The following ILKAP variants were observed in gnomAD, a reference collection of about 807,000 sequenced individuals.
The protein encoded by ILKAP is integrin-linked kinase-associated serine/threonine phosphatase 2C.
Under a neutral mutation model 49.1 loss-of-function variants are expected in ILKAP, and 11 were observed. The ratio of observed to expected loss-of-function variants is 0.22; its 90% CI spans 0.14 to 0.37. The LOEUF (loss-of-function observed/expected upper bound fraction) is 0.37. Among genes scored for constraint, ILKAP ranks in the 10% least tolerant of loss-of-function variants. ILKAP has a pLI of 1.00. For missense variants in ILKAP, 363 were observed against 510.8 expected (o/e 0.71, Z 2.79); for synonymous variants, 186 against 192.8 (o/e 0.96, Z 0.29).
At chr2:238,188,336 G>A in intron 4 of ILKAP, 79 bp from the exon 5 acceptor site, 4 of 1,526,628 alleles carry the variant, frequency 2.6e-6, no homozygotes, top group Middle Eastern at 1.7e-4. Flanking sequence ...GCAAATGAGA[G>A]GGAACTATGA....
At chr2:238,170,796 G>T in intron 11 of ILKAP, 120 bp from the exon 12 acceptor site, 1 of 1,510,658 alleles carries the variant, frequency 6.6e-7, no homozygotes, top group South Asian at 1.1e-5. Context: ...AGGACAAACT[G>T]ACCAGTGAGT....
At chr2:238,190,877 T>TA (rs57511265) in intron 3 of ILKAP, among the ~76,000 whole-genome samples, 3,431 of 95,022 alleles carry the variant, frequency 0.036, 233 homozygotes, top group African/African-American at 0.11. Context: ...CGTTTCTCTT[T>TA]AAAAAAAAAA....
intron 1 of ILKAP, among the ~76,000 whole-genome samples, chr2:238,202,084 G>T (rs1280001002): frequency 6.6e-6 from 1 of 152,174 alleles, no homozygotes; most frequent in Non-Finnish European, 1.5e-5. Context: ...AATTAGCCGG[G>T]TGTGGTGGTC....
At position 238,170,926 on chromosome 2, in the gene ILKAP, C is replaced by T. The variant is rs373306165; in HGVS notation, c.1038+17G>A. ...ACACAATTGGGACAACCACCACCCC[C>T]GTGTGAGATTTCTCACCTCGAGACA... On this transcript the variant is annotated intron_variant, in intron 11 of 11. Coordinates refer to ENST00000254654, the MANE Select transcript of ILKAP (RefSeq NM_030768.3). 65 of 1,607,432 alleles carry T rather than the reference C, an allele frequency of 4.0e-5. No homozygotes were observed. Among genetic ancestry groups the T allele is most frequent in the Non-Finnish European group, 5.1e-5 (60 of 1,174,094 alleles).
chr2:238,183,510 T>C (rs1693780034), intron 8 of ILKAP, 143 bp downstream of exon 8: 1 of 628,562 alleles, frequency 1.6e-6, no homozygotes, highest in African/African-American at 1.9e-5. Context: ...GAAGTTAAAC[T>C]GCAGCAGAAC....
chr2:238,198,255 T>A (rs2106341655), intron 1 of ILKAP, among the ~76,000 whole-genome samples: 1 of 152,144 alleles, frequency 6.6e-6, no homozygotes, highest in African/African-American at 2.4e-5. Context: ...TTTTTTAAAT[T>A]GAGACAAGAG....
At chr2:238,192,454 C>T (rs1694171966) in intron 3 of ILKAP, among the ~76,000 whole-genome samples, 2 of 152,064 alleles carry the variant, frequency 1.3e-5, no homozygotes, top group Non-Finnish European at 2.9e-5. Flanking sequence ...CATCCCAGCA[C>T]TTTGGGAGGC....
intron 9 of ILKAP, among the ~76,000 whole-genome samples, chr2:238,179,405 C>T (rs1033723275): frequency 1.7e-4 from 26 of 152,312 alleles, no homozygotes; most frequent in African/African-American, 6.3e-4. Flanking sequence ...CTATGATGTT[C>T]TCTTATTGAT....
rs118170862 is a variant in ILKAP, at chr2:238,200,796, C to T, written c.55+2703G>A. 1.7e-4 allele frequency among the ~76,000 whole-genome samples: 26 copies of T among 152,344 alleles called. 1 individual carries two copies. In the East Asian group the frequency reaches 4.8e-3, roughly 28 times the overall value. On this transcript the variant is annotated intron_variant, in intron 1 of 11. Coordinates refer to ENST00000254654, the MANE Select transcript of ILKAP (RefSeq NM_030768.3). ...TGTGTTTATGTCACTGCACTCCAGC[C>T]TGGGCGACACAATGAGGCTGTCTCA...
At chr2:238,189,537 TC>T (rs1559296864) in intron 4 of ILKAP, among the ~76,000 whole-genome samples, 1 of 152,124 alleles carries the variant, frequency 6.6e-6, no homozygotes, top group Non-Finnish European at 1.5e-5. Flanking sequence ...AGATTGGAAG[TC>T]AGAGAGAGAC....
intron 8 of ILKAP, among the ~76,000 whole-genome samples, chr2:238,182,688 G>A (rs966137167): frequency 1.3e-5 from 2 of 152,196 alleles, no homozygotes; most frequent in Non-Finnish European, 2.9e-5. Flanking sequence ...ACTGAGGCAC[G>A]AAGAATAAGT....
intron 3 of ILKAP, among the ~76,000 whole-genome samples, chr2:238,190,926 T>C (rs1283936856): frequency 6.7e-6 from 1 of 149,074 alleles, no homozygotes; most frequent in Non-Finnish European, 1.5e-5. Flanking sequence ...ACTTATTTAC[T>C]TACTCAACCT....
intron 1 of ILKAP, among the ~76,000 whole-genome samples, chr2:238,203,095 G>C (rs2106343848): frequency 6.6e-6 from 1 of 151,788 alleles, no homozygotes; most frequent in Middle Eastern, 3.4e-3. Flanking sequence ...CCCGGAAGCC[G>C]CGGGCGGGCG....
intron 1 of ILKAP, among the ~76,000 whole-genome samples, chr2:238,196,619 C>G (rs1033723781): frequency 6.6e-6 from 1 of 152,134 alleles, no homozygotes; most frequent in African/African-American, 2.4e-5. Flanking sequence ...AGCTGGGTAT[C>G]AACTTTCTTC....
rs1022791719 is a variant in ILKAP at position 238,188,547 on chromosome 2, G to A, written c.299-290C>T. On this transcript the variant is annotated intron_variant, in intron 4 of 11. Coordinates refer to ENST00000254654, the MANE Select transcript of ILKAP (RefSeq NM_030768.3). Reference sequence around the variant, plus strand: ...GGTGTAAGTCAAAGCATCAGGGCAAGGGATGTGCTGCCATCCCAGAGAAGT... The same window carrying A: ...GGTGTAAGTCAAAGCATCAGGGCAAAGGATGTGCTGCCATCCCAGAGAAGT... 20 of 249,938 alleles carry A rather than the reference G, an allele frequency of 8.0e-5. 1 individual carries two copies. In the East Asian group the frequency reaches 1.6e-3, roughly 20 times the overall value. The allele number at this position is 249,938 out of a possible 1,614,324, so 15.5% of individuals were successfully genotyped here.
intron 1 of ILKAP, among the ~76,000 whole-genome samples, chr2:238,197,479 T>C (rs1385715804): frequency 2.0e-5 from 3 of 152,166 alleles, no homozygotes; most frequent in African/African-American, 7.2e-5. Flanking sequence ...CCAGGTCATA[T>C]TTTAACTTTT....
chr2:238,180,913 G>A (rs532631113), intron 9 of ILKAP, among the ~76,000 whole-genome samples: 5 of 152,264 alleles, frequency 3.3e-5, no homozygotes, highest in Admixed American at 6.5e-5. Context: ...GCTCATGTTA[G>A]AGTCACATTC....
In ILKAP at chr2:238,194,806, T is replaced by G. The variant is rs1223816282; in HGVS notation, c.120A>C (p.Ser40=). 2 of 1,613,836 alleles carry G rather than the reference T, an allele frequency of 1.2e-6. No individual in the cohort carries two copies. The highest frequency in any genetic ancestry group is 1.7e-6 in the Non-Finnish European group (2 of 1,179,816). The change falls in exon 2 of 12, where the codon TCA becomes TCC. Residue 40 remains serine (S), a splice_region_variant and synonymous_variant. Transcript: ENST00000254654. ...CCTGGGAGAGCCTGAAGACTGTACCTGAGTCAGTACTGCTGGCCGGAGGGA... is the reference window on the plus strand; with the variant it reads ...CCTGGGAGAGCCTGAAGACTGTACCGGAGTCAGTACTGCTGGCCGGAGGGA... ...DDLPPASSTD[S]GSGGPLLFDD...
At chr2:238,174,684 T>G (rs1324580717) in intron 9 of ILKAP, among the ~76,000 whole-genome samples, 3 of 152,172 alleles carry the variant, frequency 2.0e-5, no homozygotes, top group Non-Finnish European at 4.4e-5. Context: ...CAAACATGTT[T>G]TTTCTTCTTC....
Sources: allele counts gnomAD v4.1 joint callset (sites outside exome capture counted in the v4.1 genomes callset), GRCh38; gene constraint gnomAD v4.1.1; transcripts MANE v1.5; gene names NCBI Gene and HGNC (gene_info 2026-07-23, HGNC 2026-07-21).